FOXK2: variants seen among roughly 807,000 people sequenced by gnomAD.
The protein encoded by FOXK2 is forkhead box K2.
Under a neutral mutation model 53.3 loss-of-function variants are expected in FOXK2, and 24 were observed. That is an observed-to-expected ratio of 0.45 (90% CI 0.33 to 0.63). FOXK2 has a LOEUF of 0.63. Ranked by LOEUF, FOXK2 falls within the 30% of genes least tolerant of loss-of-function variation. FOXK2 has a pLI of 0.03. For synonymous variants in FOXK2, 505 were observed against 407.1 expected, an observed-to-expected ratio of 1.24 and a Z score of -2.89; for missense variants, 952 against 910.5, an observed-to-expected ratio of 1.05 and a Z score of -0.59.
chr17:82,545,609 T>C (rs1005717038), intron 1 of FOXK2, among the ~76,000 whole-genome samples: 4 of 148,270 alleles, frequency 2.7e-5, no homozygotes, highest in African/African-American at 7.4e-5. Context: ...TGAGACAGAG[T>C]CTTGCTCTGT....
At chr17:82,529,623 T>G (rs181957817) in intron 1 of FOXK2, among the ~76,000 whole-genome samples, 2 of 152,166 alleles carry the variant, frequency 1.3e-5, no homozygotes, top group Non-Finnish European at 2.9e-5. Flanking sequence ...TGACCTCAGG[T>G]GATCCGCTTG....
At chr17:82,549,925 G>A (rs974854183) in intron 1 of FOXK2, among the ~76,000 whole-genome samples, 4 of 152,164 alleles carry the variant, frequency 2.6e-5, no homozygotes, top group African/African-American at 9.7e-5. Flanking sequence ...GGAAAAGGCC[G>A]GGCCCAGTGG....
intron 4 of FOXK2, among the ~76,000 whole-genome samples, chr17:82,580,920 C>T (rs149370750): frequency 0.037 from 5,508 of 149,652 alleles, 141 homozygotes; most frequent in Middle Eastern, 0.083. Context: ...ATGGCCTAGC[C>T]CTCCTCTCCA....
intron 1 of FOXK2, among the ~76,000 whole-genome samples, chr17:82,530,133 T>A (rs528797725): frequency 8.5e-5 from 13 of 152,142 alleles, no homozygotes; most frequent in Non-Finnish European, 1.9e-4. Context: ...TGGTGTTTAG[T>A]CATTAATAAT....
intron 5 of FOXK2, 41 bp from the exon 6 acceptor site, chr17:82,583,972 G>A (rs1270800135): frequency 6.5e-6 from 10 of 1,541,474 alleles, no homozygotes; most frequent in South Asian, 3.6e-5. Context: ...TTCTGAGTGC[G>A]TCAGCTGTAA....
chr17:82,528,391 G>C (rs2044439400), intron 1 of FOXK2, among the ~76,000 whole-genome samples: 1 of 152,160 alleles, frequency 6.6e-6, no homozygotes, highest in African/African-American at 2.4e-5. Context: ...GTTGGCATTT[G>C]GGTAGTAGTA....
chr17:82,572,404 A>G (rs2044928489), intron 4 of FOXK2, among the ~76,000 whole-genome samples: 1 of 152,096 alleles, frequency 6.6e-6, no homozygotes, highest in Non-Finnish European at 1.5e-5. Flanking sequence ...CGGGGAGCCC[A>G]CCTGGTCGTG....
At chr17:82,576,046 C>T (rs1250549811) in intron 4 of FOXK2, among the ~76,000 whole-genome samples, 2 of 124,392 alleles carry the variant, frequency 1.6e-5, no homozygotes, top group Non-Finnish European at 3.3e-5. Context: ...TCCACACCAG[C>T]GTGTGCTCGG....
chr17:82,526,986 A>G (rs1599876721), intron 1 of FOXK2, among the ~76,000 whole-genome samples: 1 of 152,182 alleles, frequency 6.6e-6, no homozygotes, highest in African/African-American at 2.4e-5. Context: ...GAACGGAGCT[A>G]CTAGGAAAGT....
chr17:82,522,368 A>T (rs1490986211), intron 1 of FOXK2, among the ~76,000 whole-genome samples: 9 of 141,762 alleles, frequency 6.3e-5, no homozygotes, highest in Non-Finnish European at 3.1e-5. Flanking sequence ...GTTTTTTGGA[A>T]TTTTTTTTTT....
intron 1 of FOXK2, among the ~76,000 whole-genome samples, chr17:82,561,911 G>T (rs984022521): frequency 2.6e-5 from 4 of 152,090 alleles, no homozygotes; most frequent in African/African-American, 7.2e-5. Flanking sequence ...CTGTTGGGGG[G>T]GGGGGGTGCC....
rs571970598 is a variant in FOXK2 at position 82,539,747 on chromosome 17, C to T, written c.419+19440C>T. Reference sequence around the variant, plus strand: ...TGGGAGGCTGAGGTGACTGGATCACCTGAGGTCAGGAGTTCGAGACCAGGC... The same window carrying T: ...TGGGAGGCTGAGGTGACTGGATCACTTGAGGTCAGGAGTTCGAGACCAGGC... On this transcript the variant is annotated intron_variant, in intron 1 of 8. Transcript: ENST00000335255. Among the ~76,000 whole-genome samples, 4 of 151,752 alleles carry T rather than the reference C, an allele frequency of 2.6e-5. No individual in the cohort carries two copies. The South Asian group carries it at 8.3e-4, about 32-fold the overall frequency.
intron 8 of FOXK2, among the ~76,000 whole-genome samples, chr17:82,590,084 A>G (rs951622901): frequency 1.3e-5 from 2 of 151,564 alleles, no homozygotes; most frequent in African/African-American, 2.4e-5. Flanking sequence ...AGTATTTCCT[A>G]TTATTGCTTT....
intron 1 of FOXK2, among the ~76,000 whole-genome samples, chr17:82,554,923 G>T (rs551173631): frequency 1.7e-4 from 25 of 150,922 alleles, no homozygotes; most frequent in African/African-American, 1.7e-4. Context: ...TTTTTTTTTT[G>T]TTTTTAATAG....
At chr17:82,536,152 A>G (rs975975982) in intron 1 of FOXK2, among the ~76,000 whole-genome samples, 2 of 152,160 alleles carry the variant, frequency 1.3e-5, no homozygotes, top group Non-Finnish European at 2.9e-5. Context: ...TGCTGGGATT[A>G]CAGGTGTGAG....
Position 82,563,547 on chromosome 17 carries a change from A to G in FOXK2, c.613A>G (p.Ser205Gly). ...TCTGCCCTCCCCCACGGGAACCATCAGGTGCGGCCATGGGGATGGGGGACT... is the reference window on the plus strand; with the variant it reads ...TCTGCCCTCCCCCACGGGAACCATCGGGTGCGGCCATGGGGATGGGGGACT... The part of the protein sequence containing the change: ...SPLPSPTGTI[S>G]AANSCPSSPR... The change falls in exon 2 of 9, where the codon AGC (serine) becomes GGC (glycine). Residue 205 changes from serine to glycine, a missense_variant and splice_region_variant. By Grantham distance (56) the Ser-to-Gly change is moderately conservative. Coordinates refer to ENST00000335255, the MANE Select transcript of FOXK2 (RefSeq NM_004514.4). The G allele has an allele frequency of 6.2e-7, 1 of 1,612,258 alleles. No individual in the cohort carries two copies. Among genetic ancestry groups the G allele is most frequent in the Non-Finnish European group, 8.5e-7 (1 of 1,178,886 alleles).
chr17:82,526,221 G>T (rs1030382281), intron 1 of FOXK2, among the ~76,000 whole-genome samples: 2 of 152,168 alleles, frequency 1.3e-5, no homozygotes, highest in Non-Finnish European at 2.9e-5. Context: ...GTCCTACTCA[G>T]AATGCAGATG....
At chr17:82,556,748 G>A (rs1471864404) in intron 1 of FOXK2, among the ~76,000 whole-genome samples, 2 of 151,938 alleles carry the variant, frequency 1.3e-5, no homozygotes, top group East Asian at 1.9e-4. Flanking sequence ...CCAGGCTAGA[G>A]TGCAGTGGCA....
chr17:82,554,738 G>T (rs1158822697), intron 1 of FOXK2, among the ~76,000 whole-genome samples: 3 of 145,118 alleles, frequency 2.1e-5, no homozygotes, highest in Admixed American at 6.9e-5. Flanking sequence ...ATCCAGTGAG[G>T]TTTTTTTTTT....
Sources: gnomAD v4.1 joint callset for allele counts (sites outside exome capture counted in the v4.1 genomes callset) on GRCh38, gnomAD v4.1.1 for gene constraint, MANE v1.5 for transcripts, NCBI Gene and HGNC (gene_info 2026-07-23, HGNC 2026-07-21) for gene names.